Variants in CLCN3 observed in about 807,000 individuals in gnomAD.
CLCN3 encodes H(+)/Cl(-) exchange transporter 3.
In CLCN3, 16 loss-of-function variants were observed where a neutral mutation model predicts 83.4. That is an observed-to-expected ratio of 0.19 (90% confidence interval 0.13 to 0.29). The LOEUF is 0.29. CLCN3 is among the 10% of genes least tolerant of loss of function. The pLI, the probability that CLCN3 is intolerant of heterozygous loss-of-function variation, is 1.00. For missense variants in CLCN3, 544 were observed against 1,006.0 expected, an observed-to-expected ratio of 0.54 and a Z score of 6.21; for synonymous variants, 322 against 346.2, an observed-to-expected ratio of 0.93 and a Z score of 0.78.
chr4:169,696,813 CT>C lies in CLCN3; in HGVS notation c.1018-363del, dbSNP rs928033309. Among the ~76,000 whole-genome samples the C allele has an allele frequency of 9.9e-3, 1,286 of 130,132 alleles. 11 individuals carry two copies. Among genetic ancestry groups the C allele is most frequent in the African/African-American group, 0.026 (822 of 31,700 alleles). The allele number at this position is 130,132 out of a possible 152,430, so 85.4% of individuals were successfully genotyped here. A position where few individuals can be genotyped will look rare whatever the true frequency, so the allele number is the denominator to read the frequency against. On this transcript the variant is annotated intron_variant, in intron 8 of 12. Transcript: ENST00000513761. ...CTTTTTTCTTTTAGTTGTTTGTATT[CT>C]TTTTTTTTTTTTAATGTAGAAGAGG...
At chr4:169,633,056 A>C (rs1773418563) in intron 1 of CLCN3, among the ~76,000 whole-genome samples, 1 of 152,166 alleles carries the variant, frequency 6.6e-6, no homozygotes. Flanking sequence ...TCTGTTTCCC[A>C]GGCTGGAGTG....
chr4:169,648,853 C>G (rs572957429), intron 2 of CLCN3, among the ~76,000 whole-genome samples: 111 of 151,996 alleles, frequency 7.3e-4, no homozygotes, highest in African/African-American at 2.7e-3. Context: ...GTGACTAAAC[C>G]CTGTCTCTAC....
At chr4:169,678,557 A>T (rs1731773574) in intron 2 of CLCN3, among the ~76,000 whole-genome samples, 1 of 152,034 alleles carries the variant, frequency 6.6e-6, no homozygotes, top group Non-Finnish European at 1.5e-5. Flanking sequence ...TAGGCAGAGG[A>T]CCCTGCGGCC....
intron 2 of CLCN3, among the ~76,000 whole-genome samples, chr4:169,646,273 C>T (rs1385299238): frequency 6.6e-6 from 1 of 151,876 alleles, no homozygotes; most frequent in Admixed American, 6.6e-5. Context: ...TTTTAGGAGT[C>T]TTTTTTCCTT....
intron 2 of CLCN3, among the ~76,000 whole-genome samples, chr4:169,650,993 T>G (rs2150212317): frequency 6.6e-6 from 1 of 152,286 alleles, no homozygotes; most frequent in South Asian, 2.1e-4. Flanking sequence ...GAAGTTGGTA[T>G]TAATAATAAA....
Position 169,620,971 on chromosome 4 carries a change from G to GA in CLCN3, c.-108dup. ...GTCAGGCTTTCTTCGGTGGAGCTCC[G>GA]AGGGTAGCTAGGTTCTAGGTTTGAA... On this transcript the variant is annotated 5_prime_UTR_variant, in exon 1 of 13. Transcript: ENST00000513761. The GA allele has an allele frequency of 2.5e-6, 1 of 398,414 alleles. No homozygotes were observed. The highest frequency in any genetic ancestry group is 4.4e-6 in the Non-Finnish European group (1 of 226,036). The allele number at this position is 398,414 out of a possible 1,614,324, so 24.7% of individuals were successfully genotyped here.
Position 169,692,126 on chromosome 4 carries a change from T to C in CLCN3, c.742T>C (p.Leu248=), listed in dbSNP as rs779809473. ...GSGIPEIKTI[L]SGFIIRGYLG... Reference sequence around the variant, plus strand: ...CTTTGCCTTGTAGATTAAAACTATTTTAAGTGGATTCATCATCAGAGGTTA... The same window carrying C: ...CTTTGCCTTGTAGATTAAAACTATTCTAAGTGGATTCATCATCAGAGGTTA... Residue 248 remains leucine, a synonymous_variant, in exon 7 of 13, where the codon TTA becomes CTA. Coordinates refer to ENST00000513761, the MANE Select transcript of CLCN3 (RefSeq NM_001829.4). 1.9e-6 allele frequency: 3 copies of C among 1,591,988 alleles called. No homozygotes were observed. The highest frequency in any genetic ancestry group is 2.6e-6 in the Non-Finnish European group (3 of 1,160,754).
chr4:169,712,300 C>A (rs17055097), intron 11 of CLCN3, among the ~76,000 whole-genome samples: 14,018 of 152,002 alleles, frequency 0.092, 683 homozygotes, highest in African/African-American at 0.12. Context: ...CTTGTGTGAT[C>A]TCTGAACTTT....
intron 2 of CLCN3, among the ~76,000 whole-genome samples, chr4:169,678,344 TC>T (rs1161551946): frequency 6.6e-6 from 1 of 152,192 alleles, no homozygotes; most frequent in East Asian, 1.9e-4. Context: ...TGGCCTTACT[TC>T]CAAGTTTTGG....
chr4:169,652,485 T>G (rs1730757771), intron 2 of CLCN3, among the ~76,000 whole-genome samples: 1 of 152,212 alleles, frequency 6.6e-6, no homozygotes, highest in Non-Finnish European at 1.5e-5. Flanking sequence ...TCTAAACTAT[T>G]ATATATCATT....
intron 2 of CLCN3, among the ~76,000 whole-genome samples, chr4:169,653,235 T>A (rs766663952): frequency 4.0e-5 from 6 of 150,438 alleles, no homozygotes; most frequent in Non-Finnish European, 7.4e-5. Context: ...GATTTGTATA[T>A]GTGTGTGTGT....
chr4:169,637,503 A>G (rs1174585407), intron 2 of CLCN3, among the ~76,000 whole-genome samples: 1 of 152,136 alleles, frequency 6.6e-6, no homozygotes, highest in African/African-American at 2.4e-5. Context: ...AAAAATGGAA[A>G]AGAAAAAAAA....
chr4:169,666,406 G>T (rs1731248021), intron 2 of CLCN3, among the ~76,000 whole-genome samples: 1 of 152,208 alleles, frequency 6.6e-6, no homozygotes, highest in South Asian at 2.1e-4. Flanking sequence ...ACAACTGAGG[G>T]TAAGAATGGG....
At chr4:169,699,232 A>G (rs1223972098) in intron 9 of CLCN3, among the ~76,000 whole-genome samples, 1 of 152,124 alleles carries the variant, frequency 6.6e-6, no homozygotes, top group East Asian at 1.9e-4. Flanking sequence ...CTATAAATAC[A>G]TGCCTTTTTC....
intron 2 of CLCN3, among the ~76,000 whole-genome samples, chr4:169,652,457 T>A (rs993953765): frequency 4.6e-5 from 7 of 152,244 alleles, no homozygotes; most frequent in African/African-American, 1.4e-4. Flanking sequence ...TTGTTGCAGG[T>A]AGTAGCTGTG....
chr4:169,668,081 A>G (rs367571209), intron 2 of CLCN3, among the ~76,000 whole-genome samples: 3 of 104,102 alleles, frequency 2.9e-5, no homozygotes, highest in Non-Finnish European at 5.6e-5. Context: ...TCTTTGTCAT[A>G]TTGTTAGTCT....
At chr4:169,631,507 C>T (rs1043473860) in intron 1 of CLCN3, among the ~76,000 whole-genome samples, 3 of 152,142 alleles carry the variant, frequency 2.0e-5, no homozygotes, top group Admixed American at 2.0e-4. Flanking sequence ...CCAGGATGGT[C>T]TTGATCTCCT....
At chr4:169,625,464 T>G (rs1039398253) in intron 1 of CLCN3, among the ~76,000 whole-genome samples, 1 of 152,194 alleles carries the variant, frequency 6.6e-6, no homozygotes, top group Non-Finnish European at 1.5e-5. Flanking sequence ...GTTTTCCTAT[T>G]TTTGCTCCCC....
At chr4:169,627,461 T>C (rs1279775161) in intron 1 of CLCN3, among the ~76,000 whole-genome samples, 1 of 152,190 alleles carries the variant, frequency 6.6e-6, no homozygotes, top group Non-Finnish European at 1.5e-5. Context: ...ATATTGTTGT[T>C]ACTTGTTGAT....
Sources: gnomAD v4.1 joint callset for allele counts (sites outside exome capture counted in the v4.1 genomes callset) on GRCh38, gnomAD v4.1.1 for gene constraint, MANE v1.5 for transcripts, NCBI Gene and HGNC (gene_info 2026-07-23, HGNC 2026-07-21) for gene names.